Variants in RP2 observed in about 807,000 individuals in gnomAD.
RP2 encodes RP2 activator of ARL3 GTPase.
Under a neutral mutation model 20.3 loss-of-function variants are expected in RP2, and 3 were observed. The observed-to-expected ratio is 0.15, with a 90% CI of 0.07 to 0.38. The LOEUF is 0.38. Ranked by LOEUF, RP2 falls within the 10% of genes least tolerant of loss-of-function variation. The pLI is 1.00. For missense variants in RP2, 233 were observed against 268.5 expected (o/e 0.87, Z 0.92); for synonymous variants, 75 against 94.8 (o/e 0.79, Z 1.22).
At chrX:46,847,790 G>GTGTGTGTGTATATATATACACACATA (rs1924773619) in intron 1 of RP2, among the ~76,000 whole-genome samples, 1 of 80,072 alleles carries the variant, frequency 1.2e-5, no homozygotes, top group African/African-American at 5.6e-5. Flanking sequence ...ATACACACAT[G>GTGTGTGTGTATATATATACACACATA]TGTGTGTGTA....
rs1569531624 is a variant in RP2 at position 46,853,673 on chromosome X, G to A, written c.300G>A (p.Val100=). ...IIFLGPVKGS[V]FFRNCRDCKC... ...TTCTGGGACCCGTGAAAGGCAGCGT[G>A]TTTTTCCGGAATTGCAGAGATTGCA... Residue 100 remains valine (V), a synonymous_variant, in exon 2 of 5, where the codon GTG becomes GTA. Coordinates refer to ENST00000218340, the MANE Select transcript of RP2 (RefSeq NM_006915.3). The A allele has an allele frequency of 8.3e-7, 1 of 1,211,857 alleles. No homozygotes were observed. The highest frequency in any genetic ancestry group is 2.2e-5 in the Admixed American group (1 of 45,991).
chrX:46,875,036 ATTTT>A (rs1334638498), intron 3 of RP2, among the ~76,000 whole-genome samples: 1 of 110,669 alleles, frequency 9.0e-6, no homozygotes, highest in African/African-American at 3.3e-5. Flanking sequence ...TTTTACTTTT[ATTTT>A]TTAATTTTTT....
intron 1 of RP2, among the ~76,000 whole-genome samples, chrX:46,851,097 C>T (rs1243559432): frequency 9.0e-6 from 1 of 111,614 alleles, no homozygotes; most frequent in East Asian, 2.8e-4. Flanking sequence ...AATTTAAGCT[C>T]ATTTGCTAAT....
At chrX:46,872,181 C>T (rs868945698) in intron 3 of RP2, among the ~76,000 whole-genome samples, 6 of 112,269 alleles carry the variant, frequency 5.3e-5, no homozygotes, top group Non-Finnish European at 1.1e-4. Flanking sequence ...TATAGCTACT[C>T]TAGCTTTCAT....
chrX:46,861,730 T>C (rs1308034129), intron 3 of RP2, among the ~76,000 whole-genome samples: 1 of 111,286 alleles, frequency 9.0e-6, no homozygotes, highest in Admixed American at 9.6e-5. Flanking sequence ...TAGTCCCAGC[T>C]ACTCAGGAGC....
At chrX:46,839,568 A>G (rs1210115562) in intron 1 of RP2, among the ~76,000 whole-genome samples, 2 of 110,982 alleles carry the variant, frequency 1.8e-5, no homozygotes, top group Admixed American at 1.9e-4. Flanking sequence ...AAAAAAATAA[A>G]TAAATAAAAT....
chrX:46,860,267 G>A (rs782547389), intron 3 of RP2, among the ~76,000 whole-genome samples, 165 bp downstream of exon 3: 2 of 110,779 alleles, frequency 1.8e-5, no homozygotes, highest in East Asian at 5.6e-4. Flanking sequence ...ATCACTCAAG[G>A]AGCCCTAGAC....
At chrX:46,838,510 A>C (rs1200795161) in intron 1 of RP2, among the ~76,000 whole-genome samples, 1 of 112,901 alleles carries the variant, frequency 8.9e-6, no homozygotes, top group Non-Finnish European at 1.9e-5. Flanking sequence ...GCTTTCTAAC[A>C]ATGTTCTTTT....
chrX:46,873,156 G>A (rs1556327038), intron 3 of RP2, among the ~76,000 whole-genome samples: 1 of 111,556 alleles, frequency 9.0e-6, no homozygotes, highest in Non-Finnish European at 1.9e-5. Context: ...GTCACTGGTC[G>A]CTTTAATGGG....
chrX:46,869,320 C>T (rs1378416187), intron 3 of RP2, among the ~76,000 whole-genome samples: 7 of 102,911 alleles, frequency 6.8e-5, no homozygotes, highest in Non-Finnish European at 9.9e-5. Context: ...TTTTTTAAGA[C>T]GGAGTTTTGC....
chrX:46,852,540 A>G (rs2147080868), intron 1 of RP2, among the ~76,000 whole-genome samples: 1 of 111,238 alleles, frequency 9.0e-6, no homozygotes, highest in East Asian at 2.8e-4. Context: ...ATAGAGAAAT[A>G]TATTTCAGTC....
intron 3 of RP2, among the ~76,000 whole-genome samples, chrX:46,875,558 A>C (rs1556327581): frequency 9.0e-6 from 1 of 111,153 alleles, no homozygotes; most frequent in East Asian, 2.8e-4. Context: ...ATCTGGTAGT[A>C]AGGAGGATCT....
At chrX:46,847,813 C>CTGTGT (rs1569531416) in intron 1 of RP2, among the ~76,000 whole-genome samples, 4 of 89,461 alleles carry the variant, frequency 4.5e-5, no homozygotes, top group African/African-American at 1.8e-4. Flanking sequence ...TATATACACA[C>CTGTGT]ATATATGTGT....
rs373405195 is a variant in RP2, at chrX:46,859,776, A to G, written c.769-212A>G. Among the ~76,000 whole-genome samples the G allele has an allele frequency of 9.3e-4, 104 of 111,891 alleles. 1 individual carries two copies. The South Asian group carries it at 0.035, about 38-fold the overall frequency. On this transcript the variant is annotated intron_variant, in intron 2 of 4. Coordinates refer to ENST00000218340, the MANE Select transcript of RP2 (RefSeq NM_006915.3). ...TCACATTTATTTGACCCTTAACCTT[A>G]ACTGCAGTACTAAACCAGAACCACC...
intron 3 of RP2, among the ~76,000 whole-genome samples, chrX:46,873,041 A>C (rs983212847): frequency 1.4e-4 from 16 of 111,673 alleles, no homozygotes; most frequent in Non-Finnish European, 2.6e-4. Context: ...GCCTGGCCTG[A>C]ACCGTCACTT....
chrX:46,846,812 TG>T (rs1924722287), intron 1 of RP2, among the ~76,000 whole-genome samples: 1 of 110,645 alleles, frequency 9.0e-6, no homozygotes, highest in African/African-American at 3.3e-5. Context: ...CAGCCTGGAC[TG>T]CCTGGGCTCC....
At chrX:46,850,385 T>C (rs994495527) in intron 1 of RP2, among the ~76,000 whole-genome samples, 9 of 112,339 alleles carry the variant, frequency 8.0e-5, no homozygotes, top group African/African-American at 2.9e-4. Context: ...GTCTCTCCGA[T>C]CAATCCATGT....
rs370530958 is a variant in RP2, at chrX:46,837,151, C to T, written c.51C>T (p.Pro17=). 3 of 1,171,409 alleles carry T rather than the reference C, an allele frequency of 2.6e-6. No individual in the cohort carries two copies. The Admixed American group carries it at 7.6e-5, about 30-fold the overall frequency. ...GGAAGGCTGACAAGGAGTCGCGGCC[C>T]GAGAACGAGGAGGAGCGGCCAAAGC... ...KRRKADKESR[P]ENEEERPKQY... is the part of the protein sequence containing the mutation. The change falls in exon 1 of 5, where the codon CCC becomes CCT. Residue 17 remains proline (P), a synonymous_variant. Coordinates refer to ENST00000218340, the MANE Select transcript of RP2 (RefSeq NM_006915.3).
At chrX:46,868,015 C>T (rs1397994682) in intron 3 of RP2, among the ~76,000 whole-genome samples, 2 of 111,849 alleles carry the variant, frequency 1.8e-5, no homozygotes, top group Non-Finnish European at 3.8e-5. Flanking sequence ...GATCTATACC[C>T]AGTTGTGGAA....
Sources: gnomAD v4.1 joint callset for allele counts (sites outside exome capture counted in the v4.1 genomes callset) on GRCh38, gnomAD v4.1.1 for gene constraint, MANE v1.5 for transcripts, NCBI Gene and HGNC (gene_info 2026-07-23, HGNC 2026-07-21) for gene names.